The following CNTN5 variants were observed in gnomAD, a reference collection of about 807,000 sequenced individuals.
CNTN5 encodes contactin 5.
A neutral mutation model predicts 129.1 loss-of-function variants in CNTN5; 77 were observed. The ratio of observed to expected loss-of-function variants is 0.60; its 90% CI spans 0.50 to 0.72. CNTN5 has a LOEUF of 0.72. Ranked by LOEUF, CNTN5 falls within the 30% of genes least tolerant of loss-of-function variation. CNTN5 has a pLI of 0.00. For missense variants in CNTN5, 1,478 were observed against 1,328.8 expected, an observed-to-expected ratio of 1.11 and a Z score of -1.75; for synonymous variants, 509 against 465.6, an observed-to-expected ratio of 1.09 and a Z score of -1.20.
chr11:100,123,383 T>G (rs1946088977), intron 13 of CNTN5, among the ~76,000 whole-genome samples: 1 of 152,066 alleles, frequency 6.6e-6, no homozygotes, highest in Admixed American at 6.6e-5. Flanking sequence ...TCATAAATAA[T>G]ACATCTTTAC....
intron 21 of CNTN5, among the ~76,000 whole-genome samples, chr11:100,317,629 G>A (rs1591509015): frequency 1.3e-5 from 2 of 151,980 alleles, no homozygotes; most frequent in Non-Finnish European, 2.9e-5. Context: ...TAAAAATTAC[G>A]TTTTCTGAAA....
rs1054051215 is a variant in CNTN5 at position 100,047,225 on chromosome 11, A to G, written c.981-13987A>G. 2.7e-5 allele frequency among the ~76,000 whole-genome samples: 4 copies of G among 148,072 alleles called. No individual in the cohort carries two copies. In the Admixed American group the frequency reaches 2.7e-4, roughly 10 times the overall value. On this transcript the variant is annotated intron_variant, in intron 9 of 24. Coordinates refer to ENST00000524871, the MANE Select transcript of CNTN5 (RefSeq NM_014361.4). ...TATTGAACTGGGTTGGGAAATCTTC[A>G]AACTCCAGTTAACCACATAAAACCT...
chr11:99,526,144 A>G (rs1197625109), intron 2 of CNTN5, among the ~76,000 whole-genome samples: 1 of 152,252 alleles, frequency 6.6e-6, no homozygotes, highest in Non-Finnish European at 1.5e-5. Flanking sequence ...TATTGATACC[A>G]TAGTCTCTGG....
intron 6 of CNTN5, among the ~76,000 whole-genome samples, chr11:99,913,008 G>T (rs892621349): frequency 6.6e-6 from 1 of 151,824 alleles, no homozygotes; most frequent in Non-Finnish European, 1.5e-5. Flanking sequence ...TTGTGTAATT[G>T]CAATAAAACA....
intron 3 of CNTN5, among the ~76,000 whole-genome samples, chr11:99,758,248 T>C (rs1944466704): frequency 6.6e-6 from 1 of 152,042 alleles, no homozygotes; most frequent in Non-Finnish European, 1.5e-5. Context: ...CCTTGTAAGT[T>C]TCTTTTTTTA....
At chr11:99,955,760 T>G (rs1817158) in intron 7 of CNTN5, among the ~76,000 whole-genome samples, 44,618 of 151,722 alleles carry the variant, frequency 0.29, 8,043 homozygotes, top group African/African-American at 0.51. Flanking sequence ...GAGACGGGGT[T>G]TCACCATGTT....
At position 100,212,555 on chromosome 11, in the gene CNTN5, G is replaced by T. The variant is rs1224378146; in HGVS notation, c.1885-12137G>T. On this transcript the variant is annotated intron_variant, in intron 15 of 24. Coordinates refer to ENST00000524871, the MANE Select transcript of CNTN5 (RefSeq NM_014361.4). ...ACATTACTGCATTACAGCATTATGT[G>T]GTAAAAGTTACTAGACAGGGGGCAA... Among the ~76,000 whole-genome samples, 3 of 152,060 alleles carry T rather than the reference G, an allele frequency of 2.0e-5. No individual in the cohort carries two copies. The East Asian group carries it at 5.8e-4, about 29-fold the overall frequency.
chr11:100,308,534 G>C, intron 21 of CNTN5, 66 bp downstream of exon 21: 1 of 1,500,048 alleles, frequency 6.7e-7, no homozygotes, highest in Non-Finnish European at 8.9e-7. Flanking sequence ...CCTAAAGAGA[G>C]GTTTTGGTGA....
At chr11:99,587,115 A>G (rs1949818001) in intron 3 of CNTN5, among the ~76,000 whole-genome samples, 1 of 152,108 alleles carries the variant, frequency 6.6e-6, no homozygotes, top group African/African-American at 2.4e-5. Context: ...ATTGCAATGA[A>G]GTCATGTTGG....
intron 13 of CNTN5, among the ~76,000 whole-genome samples, chr11:100,105,560 A>T (rs1945396017): frequency 6.6e-6 from 1 of 152,146 alleles, no homozygotes; most frequent in Non-Finnish European, 1.5e-5. Context: ...ACAAACCAAT[A>T]TCGGAAGGAA....
chr11:99,658,067 T>C (rs183339043), intron 3 of CNTN5, among the ~76,000 whole-genome samples: 2 of 152,214 alleles, frequency 1.3e-5, no homozygotes, highest in Admixed American at 1.3e-4. Flanking sequence ...TCAAACACCT[T>C]TTTAGGTGCT....
At chr11:100,135,333 G>A (rs1235215356) in intron 13 of CNTN5, among the ~76,000 whole-genome samples, 1 of 151,744 alleles carries the variant, frequency 6.6e-6, no homozygotes, top group Non-Finnish European at 1.5e-5. Flanking sequence ...GTGCCACCAT[G>A]CCCAGCTAAT....
At chr11:99,929,116 C>T (rs974064826) in intron 7 of CNTN5, among the ~76,000 whole-genome samples, 52 of 152,282 alleles carry the variant, frequency 3.4e-4, no homozygotes, top group African/African-American at 1.3e-3. Flanking sequence ...CAAGAGTCAC[C>T]TTTATTCCAG....
chr11:99,999,093 TG>T (rs1221588038), intron 8 of CNTN5, among the ~76,000 whole-genome samples: 1 of 151,892 alleles, frequency 6.6e-6, no homozygotes, highest in African/African-American at 2.4e-5. Context: ...GACACAGGCA[TG>T]GGCAAGGACT....
chr11:99,749,906 T>A (rs1051885763), intron 3 of CNTN5, among the ~76,000 whole-genome samples: 1 of 152,300 alleles, frequency 6.6e-6, no homozygotes. Flanking sequence ...TACTACTAAT[T>A]TTTTCCCTTG....
chr11:99,580,072 T>C (rs1280614660), intron 3 of CNTN5, among the ~76,000 whole-genome samples: 7 of 152,104 alleles, frequency 4.6e-5, no homozygotes, highest in African/African-American at 1.4e-4. Context: ...GCCTTTTCTG[T>C]ATCTATTGAG....
At chr11:99,732,715 T>A (rs1233372072) in intron 3 of CNTN5, among the ~76,000 whole-genome samples, 1 of 152,178 alleles carries the variant, frequency 6.6e-6, no homozygotes, top group Non-Finnish European at 1.5e-5. Flanking sequence ...TAGGGTTTGA[T>A]TTATGTAAAG....
intron 3 of CNTN5, among the ~76,000 whole-genome samples, chr11:99,676,920 C>G (rs1030069376): frequency 7.9e-5 from 12 of 152,086 alleles, no homozygotes; most frequent in African/African-American, 2.9e-4. Flanking sequence ...TTAAAGCTTT[C>G]CCCTAACATG....
At chr11:99,427,124 C>A (rs1433751356) in intron 2 of CNTN5, among the ~76,000 whole-genome samples, 3 of 152,110 alleles carry the variant, frequency 2.0e-5, no homozygotes, top group Admixed American at 6.5e-5. Flanking sequence ...ATTTACATAA[C>A]CTGCAAGTCA....
Sources: allele counts gnomAD v4.1 joint callset (sites outside exome capture counted in the v4.1 genomes callset), GRCh38; gene constraint gnomAD v4.1.1; transcripts MANE v1.5; gene names NCBI Gene and HGNC (gene_info 2026-07-23, HGNC 2026-07-21).